The following B4GALT2 variants were observed in gnomAD, a reference collection of about 807,000 sequenced individuals.
The protein encoded by B4GALT2 is N-acetyllactosamine synthase.
In B4GALT2, 18 loss-of-function variants were observed where a neutral mutation model predicts 33.2. That is an observed-to-expected ratio of 0.54 (90% CI 0.38 to 0.80). The LOEUF is 0.80. Among genes scored for constraint, B4GALT2 ranks in the 30% least tolerant of loss-of-function variants. The probability of loss-of-function intolerance (pLI) is 0.00; values close to 1 mark genes in which losing one functional copy is unlikely to be tolerated. For synonymous variants in B4GALT2, 214 were observed against 217.6 expected (o/e 0.98, Z 0.15); for missense variants, 404 against 526.2 (o/e 0.77, Z 2.27).
Position 43,982,338 on chromosome 1 carries a change from G to C in B4GALT2, c.549+414G>C, listed in dbSNP as rs1260651113. On this transcript the variant is annotated intron_variant, in intron 3 of 6. Transcript: ENST00000372324. The surrounding 1 kb of genome is among the most constrained non-coding windows in gnomAD (Gnocchi z 4.3). ...GCATCTTAAGGCCTTTGGTGGACCT[G>C]GCTAGGGCTGGCCACTAGGTCCCAG... 6.6e-6 allele frequency among the ~76,000 whole-genome samples: 1 copy of C among 152,142 alleles called. No individual in the cohort carries two copies. Among genetic ancestry groups the C allele is most frequent in the Non-Finnish European group, 1.5e-5 (1 of 68,012 alleles).
intron 6 of B4GALT2, among the ~76,000 whole-genome samples, chr1:43,987,820 G>A (rs1014096564): frequency 5.3e-5 from 8 of 152,098 alleles, no homozygotes; most frequent in Non-Finnish European, 1.0e-4. Flanking sequence ...GCTTTTCCAC[G>A]TGCCCCATTC....
chr1:43,987,153 C>T (rs1049258684), intron 6 of B4GALT2, among the ~76,000 whole-genome samples: 1 of 152,158 alleles, frequency 6.6e-6, no homozygotes, highest in African/African-American at 2.4e-5. Flanking sequence ...GAGTGGAGCT[C>T]CACAGTACAC....
At chr1:43,985,686 C>A in intron 6 of B4GALT2, 65 bp downstream of exon 6, 2 of 1,485,646 alleles carry the variant, frequency 1.3e-6, no homozygotes, top group Non-Finnish European at 1.9e-6. Flanking sequence ...AACTCTTGAC[C>A]CCAAGTGGCC....
chr1:43,990,298 G>A lies in B4GALT2; in HGVS notation c.969G>A (p.Arg323=). ...TGTGGACCATTTCCATCCTATCTAG[G>A]TTTACCAAGATTCAAAACACGAAGC... ...RDKHNEPNPQ[R]FTKIQNTKLT... The change falls in exon 7 of 7, where the codon AGG becomes AGA. Residue 323 remains arginine (R), a splice_region_variant and synonymous_variant. Transcript: ENST00000372324. 1 of 1,614,102 alleles carries A rather than the reference G, an allele frequency of 6.2e-7. No individual in the cohort carries two copies. Among genetic ancestry groups the A allele is most frequent in the East Asian group, 2.2e-5 (1 of 44,880 alleles).
chr1:43,988,084 G>C (rs377437790), intron 6 of B4GALT2, among the ~76,000 whole-genome samples: 13 of 152,304 alleles, frequency 8.5e-5, no homozygotes, highest in African/African-American at 2.4e-4. Flanking sequence ...GCACATGGTG[G>C]TGCTCAATAA....
chr1:43,982,002 G>A lies in B4GALT2; in HGVS notation c.549+78G>A, dbSNP rs1471835054. 1.2e-5 allele frequency: 17 copies of A among 1,395,410 alleles called. No homozygotes were observed. The highest frequency in any genetic ancestry group is 1.9e-5 in the Admixed American group (1 of 53,638). 86.4% of individuals were successfully genotyped at this position (1,395,410 alleles called of 1,614,324 possible). ...CGTTTGTGGGTCCTTGTCTGCCCGT[G>A]TGGATATGTGGATGGACCTGGGCGT... On this transcript the variant is annotated intron_variant, in intron 3 of 6. Coordinates refer to ENST00000372324, the MANE Select transcript of B4GALT2 (RefSeq NM_003780.5). The surrounding 1 kb of genome is among the most constrained non-coding windows in gnomAD (Gnocchi z 4.3).
chr1:43,985,295 A>G lies in B4GALT2; in HGVS notation c.758A>G (p.Tyr253Cys). 1 of 1,612,926 alleles carries G rather than the reference A, an allele frequency of 6.2e-7. No individual in the cohort carries two copies. The highest frequency in any genetic ancestry group is 8.5e-7 in the Non-Finnish European group (1 of 1,179,388). ...KFGFRLPYAG[Y>C]FGGVSGLSKA... ...TGCCACAGGCTTCCCTATGCTGGCTACTTTGGAGGTGTGTCAGGCCTGAGT... is the reference window on the plus strand; with the variant it reads ...TGCCACAGGCTTCCCTATGCTGGCTGCTTTGGAGGTGTGTCAGGCCTGAGT... Residue 253 changes from tyrosine to cysteine, a missense_variant, in exon 5 of 7, where the codon TAC (tyrosine) becomes TGC (cysteine). By Grantham distance (194) the Tyr-to-Cys change is radical (BLOSUM62 -2). Transcript: ENST00000372324.
intron 6 of B4GALT2, among the ~76,000 whole-genome samples, chr1:43,989,359 G>GA (rs2085697057): frequency 7.0e-6 from 1 of 143,788 alleles, no homozygotes; most frequent in African/African-American, 2.5e-5. Context: ...CAATAAATTT[G>GA]AAAAGGAGAC....
rs61096284 is a variant in B4GALT2, at chr1:43,985,443, AG to A, written c.863+50del. ...GGGGAATAGGCTGGGTGGGGGGGGG[AG>A]GGGGGGTGCAGACTGGGTGGGGTTC... On this transcript the variant is annotated intron_variant, in intron 5 of 6. Coordinates refer to ENST00000372324, the MANE Select transcript of B4GALT2 (RefSeq NM_003780.5). The A allele has an allele frequency of 3.1e-4, 126 of 404,294 alleles. 9 individuals carry two copies. In the Middle Eastern group the frequency reaches 0.01, roughly 33 times the overall value. The allele number at this position is 404,294 out of a possible 1,614,324, so 25.0% of individuals were successfully genotyped here. A position where few individuals can be genotyped will look rare whatever the true frequency, so the allele number is the denominator to read the frequency against.
In B4GALT2 at chr1:43,981,107, A is replaced by G. The variant is rs571755531; in HGVS notation, c.-52-2A>G. ...GATCTGTTTCCCTCCCACCCTGCTC[A>G]GGCCAGCAGCCGGATGCCCGGGCCC... On this transcript the variant is annotated splice_acceptor_variant, in intron 1 of 6. Transcript: ENST00000372324. LOFTEE classifies it low-confidence loss of function (5UTR_SPLICE). The surrounding 1 kb of genome is among the most constrained non-coding windows in gnomAD (Gnocchi z 8.1). 5.7e-6 allele frequency: 9 copies of G among 1,576,528 alleles called. No homozygotes were observed. In the South Asian group the frequency reaches 1.0e-4, roughly 18 times the overall value.
chr1:43,980,135 A>T, intron 1 of B4GALT2: 3 of 1,341,132 alleles, frequency 2.2e-6, no homozygotes, highest in Non-Finnish European at 2.0e-6. Flanking sequence ...ACCAGCTGGG[A>T]CCAGGGTGTC....
rs376482489 is a variant in B4GALT2, at chr1:43,984,890, C to T, written c.575C>T (p.Ala192Val). The change falls in exon 4 of 7, where the codon GCC becomes GTC. Residue 192 changes from alanine to valine, a missense_variant. Transcript: ENST00000372324. The surrounding 1 kb of genome is among the most constrained non-coding windows in gnomAD (Gnocchi z 5.6). ...CATGGTGAGGACACCTTCAACCGGG[C>T]CAAGCTGCTTAACGTGGGCTTCCTA... ...NQHGEDTFNRAKLLNVGFLEA... is the reference protein window; with the variant it reads ...NQHGEDTFNRVKLLNVGFLEA... 2 of 1,613,978 alleles carry T rather than the reference C, an allele frequency of 1.2e-6. No homozygotes were observed. Among genetic ancestry groups the T allele is most frequent in the Non-Finnish European group, 1.7e-6 (2 of 1,179,976 alleles).
chr1:43,985,439 GGGGA>G (rs748851493), intron 5 of B4GALT2, 39 bp downstream of exon 5: 18,294 of 594,668 alleles, frequency 0.031, 268 homozygotes, highest in Middle Eastern at 0.042. Flanking sequence ...TGGGTGGGGG[GGGGA>G]GGGGGGGTGC....
intron 6 of B4GALT2, among the ~76,000 whole-genome samples, chr1:43,988,482 C>A (rs1222441280): frequency 1.3e-5 from 2 of 151,596 alleles, no homozygotes; most frequent in African/African-American, 4.9e-5. Flanking sequence ...AAATGGTGAA[C>A]CCCATCTCTA....
In B4GALT2 at chr1:43,985,643, C is replaced by T. The variant is rs544500310; in HGVS notation, c.968+22C>T. 22 of 1,610,470 alleles carry T rather than the reference C, an allele frequency of 1.4e-5. No individual in the cohort carries two copies. The South Asian group carries it at 2.3e-4, about 17-fold the overall frequency. On this transcript the variant is annotated intron_variant, in intron 6 of 6. Transcript: ENST00000372324. ...AGAGGTGACCCCAGCACCCTCACCC[C>T]TTACTCCCCAGAGGCAACTTCCCAA...
At chr1:43,983,343 CAGAGGCCG>C (rs2085621596) in intron 3 of B4GALT2, among the ~76,000 whole-genome samples, 1 of 152,150 alleles carries the variant, frequency 6.6e-6, no homozygotes, top group African/African-American at 2.4e-5. Context: ...GAGGCCGCTA[CAGAGGCCG>C]AGAGGCTTGG....
chr1:43,980,403 C>T, intron 1 of B4GALT2: 3 of 380,630 alleles, frequency 7.9e-6, no homozygotes, highest in South Asian at 2.1e-4. Context: ...TGTCCCCTGC[C>T]TTGCCCCGTA....
At position 43,985,412 on chromosome 1, in the gene B4GALT2, C is replaced by G; in HGVS notation, c.863+12C>G. ...GACATCTTCAACCGGTGAGTAAGCA[C>G]GCGGTGGGGAATAGGCTGGGTGGGG... On this transcript the variant is annotated intron_variant, in intron 5 of 6. Transcript: ENST00000372324. 2.2e-6 allele frequency: 2 copies of G among 929,318 alleles called. No individual in the cohort carries two copies. The highest frequency in any genetic ancestry group is 2.9e-5 in the South Asian group (2 of 68,294). The allele number at this position is 929,318 out of a possible 1,614,324, so 57.6% of individuals were successfully genotyped here. A position where few individuals can be genotyped will look rare whatever the true frequency, so the allele number is the denominator to read the frequency against.
chr1:43,987,244 G>A (rs1238867237), intron 6 of B4GALT2, among the ~76,000 whole-genome samples: 4 of 152,156 alleles, frequency 2.6e-5, no homozygotes, highest in African/African-American at 9.7e-5. Flanking sequence ...GGTTGTAGAT[G>A]TGGCAAGATA....
Sources: gnomAD v4.1 joint callset for allele counts (sites outside exome capture counted in the v4.1 genomes callset) on GRCh38, gnomAD v4.1.1 for gene constraint, Gnocchi (gnomAD v3.1) non-coding constraint, MANE v1.5 for transcripts, NCBI Gene and HGNC (gene_info 2026-07-23, HGNC 2026-07-21) for gene names.